DSCAM: variants seen among roughly 807,000 people sequenced by gnomAD.
DSCAM encodes cell adhesion molecule DSCAM.
In DSCAM, 47 loss-of-function variants were observed where a neutral mutation model predicts 217.7. The observed-to-expected ratio is 0.22, with a 90% CI of 0.17 to 0.28. DSCAM has a LOEUF of 0.28. Ranked by LOEUF, DSCAM falls within the 10% of genes least tolerant of loss-of-function variation. The probability of loss-of-function intolerance (pLI) is 1.00; values close to 1 mark genes in which losing one functional copy is unlikely to be tolerated. For synonymous variants in DSCAM, 1,056 were observed against 1,015.3 expected (o/e 1.04, Z -0.76); for missense variants, 2,080 against 2,618.3 (o/e 0.79, Z 4.49).
intron 14 of DSCAM, among the ~76,000 whole-genome samples, chr21:40,183,541 G>T (rs1882792): frequency 0.48 from 73,214 of 152,052 alleles, 20,424 homozygotes; most frequent in African/African-American, 0.78. Flanking sequence ...TCCTGGAAAA[G>T]AGTAAACCAA....
intron 1 of DSCAM, among the ~76,000 whole-genome samples, chr21:40,816,885 T>C (rs1055397400): frequency 2.0e-5 from 3 of 151,848 alleles, no homozygotes; most frequent in Non-Finnish European, 2.9e-5. Context: ...AATACACCTA[T>C]GAGAAAAAGA....
intron 3 of DSCAM, among the ~76,000 whole-genome samples, chr21:40,394,630 A>G (rs1244052229): frequency 1.3e-5 from 2 of 152,216 alleles, no homozygotes; most frequent in African/African-American, 2.4e-5. Context: ...TGAGCCACAC[A>G]AACCCTGCAC....
At chr21:40,825,991 T>C (rs939932836) in intron 1 of DSCAM, among the ~76,000 whole-genome samples, 1 of 152,230 alleles carries the variant, frequency 6.6e-6, no homozygotes, top group Non-Finnish European at 1.5e-5. Flanking sequence ...AACTACTTAC[T>C]GGGCACCTGC....
intron 1 of DSCAM, among the ~76,000 whole-genome samples, chr21:40,737,694 T>G (rs1040222860): frequency 1.3e-5 from 2 of 152,132 alleles, no homozygotes; most frequent in African/African-American, 4.8e-5. Flanking sequence ...CAGGTGATTA[T>G]AGGGCTGATG....
chr21:40,395,850 G>A (rs2075174064), intron 3 of DSCAM, among the ~76,000 whole-genome samples: 1 of 152,182 alleles, frequency 6.6e-6, no homozygotes, highest in Non-Finnish European at 1.5e-5. Context: ...CAGTGACAGT[G>A]TGACCTGATC....
At chr21:40,237,000 G>A (rs1265094844) in intron 11 of DSCAM, among the ~76,000 whole-genome samples, 7 of 152,150 alleles carry the variant, frequency 4.6e-5, no homozygotes, top group East Asian at 1.9e-4. Context: ...ACATCCCAGC[G>A]CTAGCTCTTC....
chr21:40,294,065 T>C (rs2073926662), intron 10 of DSCAM, among the ~76,000 whole-genome samples: 1 of 152,202 alleles, frequency 6.6e-6, no homozygotes, highest in Non-Finnish European at 1.5e-5. Context: ...AATTTAACTT[T>C]TTAAAAAATT....
chr21:40,839,223 C>T (rs1408211856), intron 1 of DSCAM, among the ~76,000 whole-genome samples: 2 of 152,082 alleles, frequency 1.3e-5, no homozygotes, highest in Non-Finnish European at 2.9e-5. Flanking sequence ...CACAGACTGA[C>T]AAATAAGGAC....
chr21:40,339,531 A>T, intron 6 of DSCAM, 116 bp from the exon 7 acceptor site: 1 of 1,106,532 alleles, frequency 9.0e-7, no homozygotes, highest in Non-Finnish European at 1.3e-6. Flanking sequence ...ATTACCAAAA[A>T]GGTCTGGTTT....
At chr21:40,157,109 G>C (rs1453388165) in intron 16 of DSCAM, among the ~76,000 whole-genome samples, 1 of 152,162 alleles carries the variant, frequency 6.6e-6, no homozygotes, top group East Asian at 1.9e-4. Context: ...AAAATCAAAA[G>C]AGGAAGAATA....
At chr21:40,578,656 C>A (rs1285641433) in intron 3 of DSCAM, among the ~76,000 whole-genome samples, 1 of 152,162 alleles carries the variant, frequency 6.6e-6, no homozygotes, top group African/African-American at 2.4e-5. Flanking sequence ...AATCTTGCTG[C>A]CACTCACTTT....
chr21:40,763,899 A>C (rs1356307577), intron 1 of DSCAM, among the ~76,000 whole-genome samples: 1 of 152,230 alleles, frequency 6.6e-6, no homozygotes, highest in East Asian at 1.9e-4. Context: ...CATATGCAGA[A>C]AACTGAAACT....
Position 40,353,699 on chromosome 21 carries a change from G to A in DSCAM, c.700C>T (p.Arg234Cys), listed in dbSNP as rs1183479997. 1.0e-5 allele frequency: 16 copies of A among 1,604,660 alleles called. No homozygotes were observed. Among genetic ancestry groups the A allele is most frequent in the Admixed American group, 3.5e-5 (2 of 57,094 alleles). The change falls in exon 5 of 33, where the codon CGC (arginine) becomes TGC (cysteine). Residue 234 changes from arginine (R) to cysteine (C), a missense_variant. Arg to Cys is a radical substitution (Grantham distance 180). Coordinates refer to ENST00000400454, the MANE Select transcript of DSCAM (RefSeq NM_001389.5). ...ACACGCTGCCCAGCCATGGCTTTGC[G>A]ATGGTCAAACCCATCCAGTATGGAT... ...APSILDGFDH[R>C]KAMAGQRVEL...
intron 3 of DSCAM, among the ~76,000 whole-genome samples, chr21:40,406,657 C>T (rs2123787260): frequency 6.6e-6 from 1 of 152,342 alleles, no homozygotes; most frequent in East Asian, 1.9e-4. Context: ...GTGGCACAAT[C>T]TCGGCTCACT....
chr21:40,365,744 T>C (rs2074825266), intron 4 of DSCAM, among the ~76,000 whole-genome samples: 1 of 152,166 alleles, frequency 6.6e-6, no homozygotes, highest in South Asian at 2.1e-4. Flanking sequence ...ACTCACTTCT[T>C]GTGGCTGTTT....
intron 2 of DSCAM, among the ~76,000 whole-genome samples, chr21:40,697,710 G>A (rs1418663030): frequency 1.3e-5 from 2 of 152,142 alleles, no homozygotes; most frequent in Non-Finnish European, 2.9e-5. Context: ...TTTTATGTCA[G>A]TACTATGCTA....
chr21:40,767,196 ACT>A (rs1411504109), intron 1 of DSCAM, among the ~76,000 whole-genome samples: 1 of 152,084 alleles, frequency 6.6e-6, no homozygotes, highest in Non-Finnish European at 1.5e-5. Context: ...AAATAGTTTC[ACT>A]CTGAGAAAAC....
chr21:40,497,813 G>A (rs2076131782), intron 3 of DSCAM, among the ~76,000 whole-genome samples: 1 of 152,218 alleles, frequency 6.6e-6, no homozygotes, highest in Non-Finnish European at 1.5e-5. Flanking sequence ...AGATCAGCTT[G>A]CATACATTTG....
chr21:40,597,513 T>C (rs1205423295), intron 3 of DSCAM, among the ~76,000 whole-genome samples: 2 of 92,410 alleles, frequency 2.2e-5, no homozygotes, highest in African/African-American at 3.5e-5. Flanking sequence ...TTTTTTTTTT[T>C]TTTTTTTTTT....
Sources: gnomAD v4.1 joint callset for allele counts (sites outside exome capture counted in the v4.1 genomes callset) on GRCh38, gnomAD v4.1.1 for gene constraint, MANE v1.5 for transcripts, NCBI Gene and HGNC (gene_info 2026-07-23, HGNC 2026-07-21) for gene names.